MAGED1: variants seen among roughly 807,000 people sequenced by gnomAD.
The protein encoded by MAGED1 is MAGE family member D1.
MAGED1 carries 3 observed loss-of-function variants against 54.1 expected under a neutral mutation model. That is an observed-to-expected ratio of 0.06 (90% CI 0.03 to 0.14). The LOEUF (loss-of-function observed/expected upper bound fraction) is 0.14, where lower values mean the gene tolerates loss of function less well. Among genes scored for constraint, MAGED1 ranks in the 10% least tolerant of loss-of-function variants. The pLI, the probability that MAGED1 is intolerant of heterozygous loss-of-function variation, is 1.00. For synonymous variants in MAGED1, 217 were observed against 227.3 expected, an observed-to-expected ratio of 0.95 and a Z score of 0.41; for missense variants, 485 against 623.4, an observed-to-expected ratio of 0.78 and a Z score of 2.36.
At chrX:51,894,609 AT>A (rs781961743) in intron 2 of MAGED1, 100,699 of 679,255 alleles carry the variant, frequency 0.15, 151 homozygotes, top group East Asian at 0.16. Context: ...GTAAGGAACC[AT>A]TTTTTTTTTT....
At chrX:51,852,022 G>A (rs1291475421) in intron 1 of MAGED1, among the ~76,000 whole-genome samples, 2 of 111,677 alleles carry the variant, frequency 1.8e-5, no homozygotes, top group African/African-American at 6.5e-5. Flanking sequence ...AATTCTGGAG[G>A]TTAGTGGTCC....
At chrX:51,807,959 T>C (rs1925090464) in intron 1 of MAGED1, among the ~76,000 whole-genome samples, 1 of 111,871 alleles carries the variant, frequency 8.9e-6, no homozygotes, top group Admixed American at 9.5e-5. Flanking sequence ...GCATTCTGAT[T>C]GAGATACCAT....
At chrX:51,863,033 CTA>C (rs1357146181) in intron 1 of MAGED1, among the ~76,000 whole-genome samples, 5 of 111,609 alleles carry the variant, frequency 4.5e-5, no homozygotes, top group Non-Finnish European at 9.4e-5. Context: ...TTATTACTAA[CTA>C]TATTCACCAT....
At chrX:51,846,290 A>G (rs2146974898) in intron 1 of MAGED1, among the ~76,000 whole-genome samples, 1 of 111,920 alleles carries the variant, frequency 8.9e-6, no homozygotes, top group African/African-American at 3.2e-5. Flanking sequence ...TAAGGGAGGC[A>G]GGAGATTTGG....
intron 1 of MAGED1, among the ~76,000 whole-genome samples, chrX:51,873,436 A>G (rs1557361782): frequency 2.7e-5 from 3 of 109,764 alleles, no homozygotes; most frequent in Non-Finnish European, 5.7e-5. Context: ...CTGGGACAAT[A>G]TGTGGAGATA....
At chrX:51,855,158 C>G (rs1307330769) in intron 1 of MAGED1, among the ~76,000 whole-genome samples, 1 of 111,877 alleles carries the variant, frequency 8.9e-6, no homozygotes, top group Non-Finnish European at 1.9e-5. Flanking sequence ...TTGTCAGCTT[C>G]TTTTCATTAA....
intron 1 of MAGED1, among the ~76,000 whole-genome samples, chrX:51,874,802 A>G (rs1557361876): frequency 9.2e-6 from 1 of 108,956 alleles, no homozygotes; most frequent in East Asian, 2.9e-4. Context: ...GATGGGTCCT[A>G]TTTTTCTGCT....
chrX:51,814,553 C>T (rs1216781593), intron 1 of MAGED1, among the ~76,000 whole-genome samples: 1 of 111,160 alleles, frequency 9.0e-6, no homozygotes, highest in African/African-American at 3.3e-5. Flanking sequence ...TTAGGGACCC[C>T]GCAGAAATAT....
Position 51,900,278 on chromosome X carries a change from G to T in MAGED1, c.1941G>T (p.Val647=), listed in dbSNP as rs1438832318. ...RSYHETSKMK[V]LRFIAEVQKR... ...ACCATGAGACTAGCAAGATGAAAGT[G>T]CTGAGATTCATTGCAGAGGTAATGG... The change falls in exon 11 of 13, where the codon GTG becomes GTT. Residue 647 remains valine (V), a synonymous_variant. Coordinates refer to ENST00000326587, the MANE Select transcript of MAGED1 (RefSeq NM_006986.4). The T allele has an allele frequency of 8.3e-7, 1 of 1,201,235 alleles. No individual in the cohort carries two copies. Among genetic ancestry groups the T allele is most frequent in the Non-Finnish European group, 1.1e-6 (1 of 888,328 alleles).
At chrX:51,824,621 A>G (rs782512545) in intron 1 of MAGED1, among the ~76,000 whole-genome samples, 24 of 100,092 alleles carry the variant, frequency 2.4e-4, no homozygotes, top group Non-Finnish European at 3.3e-4. Flanking sequence ...CCTCTTTTCT[A>G]TTTTCTTCTC....
At chrX:51,897,758 T>G in intron 6 of MAGED1, 37 bp from the exon 7 acceptor site, 2 of 1,113,034 alleles carry the variant, frequency 1.8e-6, no homozygotes, top group Non-Finnish European at 2.5e-6. Context: ...TTATGCTAGA[T>G]GTTGTAATTT....
chrX:51,897,982 A>G, intron 7 of MAGED1, 96 bp downstream of exon 7: 1 of 891,338 alleles, frequency 1.1e-6, no homozygotes, highest in Non-Finnish European at 1.6e-6. Flanking sequence ...AGGGTCACAT[A>G]GCAGGTCATG....
chrX:51,852,352 A>G (rs1189552763), intron 1 of MAGED1, among the ~76,000 whole-genome samples: 1 of 112,122 alleles, frequency 8.9e-6, no homozygotes, highest in Non-Finnish European at 1.9e-5. Flanking sequence ...TTTGCCATGT[A>G]AGGTAACATC....
intron 1 of MAGED1, among the ~76,000 whole-genome samples, chrX:51,832,735 C>T (rs1926112996): frequency 9.0e-6 from 1 of 110,977 alleles, no homozygotes; most frequent in Admixed American, 9.6e-5. Flanking sequence ...TGCAGCCCTA[C>T]TTCTGCATGC....
intron 1 of MAGED1, among the ~76,000 whole-genome samples, chrX:51,853,697 A>T (rs1926978355): frequency 8.9e-6 from 1 of 112,020 alleles, no homozygotes; most frequent in Non-Finnish European, 1.9e-5. Flanking sequence ...CTGCCATTTT[A>T]TTGTTTTTAA....
Position 51,861,748 on chromosome X carries a change from A to G in MAGED1, c.-36-32521A>G, listed in dbSNP as rs1420598016. Among the ~76,000 whole-genome samples the G allele has an allele frequency of 2.7e-5, 3 of 111,342 alleles. No individual in the cohort carries two copies. In the Admixed American group the frequency reaches 2.9e-4, roughly 11 times the overall value. On this transcript the variant is annotated intron_variant, in intron 1 of 12. Transcript: ENST00000375772. ...ACCCAGGCTATAGTGCAATAGTGCGATCTTGGCTCACTGCAACCTCTGCCT... is the reference window on the plus strand; with the variant it reads ...ACCCAGGCTATAGTGCAATAGTGCGGTCTTGGCTCACTGCAACCTCTGCCT...
At chrX:51,851,982 G>T (rs1315488776) in intron 1 of MAGED1, among the ~76,000 whole-genome samples, 1 of 111,655 alleles carries the variant, frequency 9.0e-6, no homozygotes, top group Admixed American at 9.5e-5. Flanking sequence ...TATGACAAAC[G>T]TAGTTTAAAC....
At chrX:51,893,319 C>G (rs900008201), upstream of MAGED1, among the ~76,000 whole-genome samples, 1 of 89,093 alleles carries the variant, frequency 1.1e-5, no homozygotes, top group Non-Finnish European at 2.1e-5. Flanking sequence ...AGACGCATTG[C>G]GGAAAAGGTA....
At chrX:51,888,616 A>T (rs1024972764), upstream of MAGED1, among the ~76,000 whole-genome samples, 1 of 112,283 alleles carries the variant, frequency 8.9e-6, no homozygotes, top group Non-Finnish European at 1.9e-5. Context: ...ACTCTTGGGT[A>T]CTTATCCCAG....
Sources: allele counts gnomAD v4.1 joint callset (sites outside exome capture counted in the v4.1 genomes callset), GRCh38; gene constraint gnomAD v4.1.1; transcripts MANE v1.5; gene names NCBI Gene and HGNC (gene_info 2026-07-23, HGNC 2026-07-21).